MEGF8: variants seen among roughly 807,000 people sequenced by gnomAD.
MEGF8 encodes the protein multiple EGF like domains 8.
In MEGF8, 156 loss-of-function variants were observed where a neutral mutation model predicts 302.9. The ratio of observed to expected loss-of-function variants is 0.52; its 90% CI spans 0.45 to 0.59. MEGF8 has a LOEUF of 0.59. Ranked by LOEUF, MEGF8 falls within the 20% of genes least tolerant of loss-of-function variation. The pLI is 0.00. For synonymous variants in MEGF8, 1,621 were observed against 1,660.5 expected, an observed-to-expected ratio of 0.98 and a Z score of 0.58; for missense variants, 3,345 against 3,964.5, an observed-to-expected ratio of 0.84 and a Z score of 4.20.
Position 42,335,793 on chromosome 19 carries a change from C to T in MEGF8, c.829-138C>T, listed in dbSNP as rs531253921. 33 of 765,324 alleles carry T rather than the reference C, an allele frequency of 4.3e-5. 1 individual carries two copies. The highest frequency in any genetic ancestry group is 3.9e-4 in the Middle Eastern group (1 of 2,586). The allele number at this position is 765,324 out of a possible 1,614,324, so 47.4% of individuals were successfully genotyped here. A position where few individuals can be genotyped will look rare whatever the true frequency, so the allele number is the denominator to read the frequency against. On this transcript the variant is annotated intron_variant, in intron 5 of 41. Coordinates refer to ENST00000251268, the MANE Select transcript of MEGF8 (RefSeq NM_001271938.2). ...TCTGTCTCTTCTTTTCTCTCTCTGC[C>T]GGTCTCTGCCTTTCTCTTTGTCTCT...
At position 42,362,404 on chromosome 19, in the gene MEGF8, G is replaced by A. The variant is rs550418060; in HGVS notation, c.5865G>A (p.Lys1955=). The change falls in exon 34 of 42, where the codon AAG becomes AAA. Residue 1955 remains lysine (K), a synonymous_variant. Transcript: ENST00000251268. The part of the protein sequence containing the change: ...GDGEASTPRC[K]WCTNCPEGAC... The stretch of plus-strand genomic sequence containing the variant: ...ACCAGGCGTCCACCCCCCGCTGTAA[G>A]TGGTGTACCAACTGCCCCGAAGGTG... 1.2e-6 allele frequency: 2 copies of A among 1,613,974 alleles called. No homozygotes were observed. Among genetic ancestry groups the A allele is most frequent in the South Asian group, 1.1e-5 (1 of 91,084 alleles).
In MEGF8 at chr19:42,368,323, C is replaced by A; in HGVS notation, c.6274-132C>A. ...ATGACCCCAGCTAGTGTCCACTTTGCTCTACCTGTGGCCAGGGAGGGGTGA... is the reference window on the plus strand; with the variant it reads ...ATGACCCCAGCTAGTGTCCACTTTGATCTACCTGTGGCCAGGGAGGGGTGA... On this transcript the variant is annotated intron_variant, in intron 35 of 41. Coordinates refer to ENST00000251268, the MANE Select transcript of MEGF8 (RefSeq NM_001271938.2). The surrounding 1 kb of genome is among the most constrained non-coding windows in gnomAD (Gnocchi z 4.9). 1 of 752,528 alleles carries A rather than the reference C, an allele frequency of 1.3e-6. No individual in the cohort carries two copies. The highest frequency in any genetic ancestry group is 2.1e-6 in the Non-Finnish European group (1 of 466,840). The allele number at this position is 752,528 out of a possible 1,614,324, so 46.6% of individuals were successfully genotyped here.
At chr19:42,361,719 C>T (rs1187511407) in intron 32 of MEGF8, among the ~76,000 whole-genome samples, 2 of 151,820 alleles carry the variant, frequency 1.3e-5, no homozygotes, top group Non-Finnish European at 2.9e-5. Context: ...AGGGCAGGGA[C>T]GGGCCTGGGC....
rs1001727490 is a variant in MEGF8, at chr19:42,354,417, G to A, written c.4012-171G>A. 2.6e-5 allele frequency among the ~76,000 whole-genome samples: 4 copies of A among 152,158 alleles called. No homozygotes were observed. Among genetic ancestry groups the A allele is most frequent in the African/African-American group, 9.7e-5 (4 of 41,430 alleles). ...ATGAGCCGTGTCTACTTTGGACACA[G>A]GAAGGGGAGTGGTGGCCTTATGCCA... On this transcript the variant is annotated intron_variant, in intron 22 of 41. Coordinates refer to ENST00000251268, the MANE Select transcript of MEGF8 (RefSeq NM_001271938.2). This position sits in a 1 kb window ranked among gnomAD's most constrained non-coding sequence, Gnocchi z 4.3.
chr19:42,334,413 G>T (rs1366922867), intron 3 of MEGF8, among the ~76,000 whole-genome samples, 200 bp downstream of exon 3: 3 of 151,528 alleles, frequency 2.0e-5, no homozygotes, highest in Admixed American at 2.0e-4. Context: ...CACCTGCAGG[G>T]CCTCCCCTGC....
chr19:42,351,191 A>G lies in MEGF8; in HGVS notation c.2737-25A>G, dbSNP rs1568565195. 6.5e-7 allele frequency: 1 copy of G among 1,542,820 alleles called. No individual in the cohort carries two copies. The highest frequency in any genetic ancestry group is 1.4e-5 in the African/African-American group (1 of 72,792). ...AAGGAAAGGGCTGAGTGGGGTTCTG[A>G]CTCCTCTGCCCAACTGACCCCCAGG... On this transcript the variant is annotated intron_variant, in intron 15 of 41. Coordinates refer to ENST00000251268, the MANE Select transcript of MEGF8 (RefSeq NM_001271938.2). The surrounding 1 kb of genome is among the most constrained non-coding windows in gnomAD (Gnocchi z 5.6).
chr19:42,372,615 T>TA (rs1176352054), intron 41 of MEGF8, among the ~76,000 whole-genome samples: 1 of 152,194 alleles, frequency 6.6e-6, no homozygotes, highest in Non-Finnish European at 1.5e-5. Flanking sequence ...TACTGACCCT[T>TA]AACATTTCTA....
chr19:42,353,261 C>T lies in MEGF8; in HGVS notation c.3550+134C>T. 1 of 1,047,064 alleles carries T rather than the reference C, an allele frequency of 9.6e-7. No homozygotes were observed. The highest frequency in any genetic ancestry group is 1.4e-6 in the Non-Finnish European group (1 of 736,062). 64.9% of individuals were successfully genotyped at this position (1,047,064 alleles called of 1,614,324 possible). A position where few individuals can be genotyped will look rare whatever the true frequency, so the allele number is the denominator to read the frequency against. On this transcript the variant is annotated intron_variant, in intron 20 of 41. Coordinates refer to ENST00000251268, the MANE Select transcript of MEGF8 (RefSeq NM_001271938.2). This position sits in a 1 kb window ranked among gnomAD's most constrained non-coding sequence, Gnocchi z 6.1. Reference sequence around the variant, plus strand: ...CTAGGTCCCCTGCCCCATTCCTGTTCCTGACTCAAACAGGTTTCAGTGCCA... The same window carrying T: ...CTAGGTCCCCTGCCCCATTCCTGTTTCTGACTCAAACAGGTTTCAGTGCCA...
In MEGF8 at chr19:42,370,843, C is replaced by CA. The variant is rs1555784537; in HGVS notation, c.7136+12_7136+13insA. 3 of 130,196 alleles carry CA rather than the reference C, an allele frequency of 2.3e-5. 1 individual carries two copies. The highest frequency in any genetic ancestry group is 4.3e-5 in the Non-Finnish European group (3 of 69,272). 8.1% of individuals were successfully genotyped at this position (130,196 alleles called of 1,614,324 possible). A position where few individuals can be genotyped will look rare whatever the true frequency, so the allele number is the denominator to read the frequency against. On this transcript the variant is annotated intron_variant, in intron 40 of 41. Transcript: ENST00000251268. Reference sequence around the variant, plus strand: ...GGGAAGTGCACCAAGTAAGAGGAACCGGGGGGGGGGGGGGGGGGGGGGGGG... The same window carrying CA: ...GGGAAGTGCACCAAGTAAGAGGAACCAGGGGGGGGGGGGGGGGGGGGGGGGG...
At chr19:42,333,315 A>G (rs964938062) in intron 1 of MEGF8, among the ~76,000 whole-genome samples, 6 of 152,038 alleles carry the variant, frequency 3.9e-5, no homozygotes, top group Admixed American at 3.9e-4. Flanking sequence ...TCTGTACTTA[A>G]TTTTCCCATC....
intron 8 of MEGF8, among the ~76,000 whole-genome samples, chr19:42,340,526 G>C (rs2039197042): frequency 2.6e-5 from 4 of 152,138 alleles, no homozygotes; most frequent in African/African-American, 9.7e-5. Context: ...ACCGTGCCTG[G>C]CCTAATTTTT....
intron 31 of MEGF8, among the ~76,000 whole-genome samples, chr19:42,360,442 C>T (rs916765501): frequency 6.6e-6 from 1 of 151,182 alleles, no homozygotes; most frequent in Non-Finnish European, 1.5e-5. Flanking sequence ...ACCTCCTGGG[C>T]TCAAGTGATC....
chr19:42,359,273 G>A (rs1414082236), intron 31 of MEGF8, 31 bp downstream of exon 31: 3 of 1,517,368 alleles, frequency 2.0e-6, no homozygotes, highest in Non-Finnish European at 2.7e-6. Context: ...CCAGGAGGCT[G>A]AGGGACATCC....
Position 42,360,844 on chromosome 19 carries a change from T to A in MEGF8, c.5558T>A (p.Leu1853Gln). 6.2e-7 allele frequency: 1 copy of A among 1,612,694 alleles called. No homozygotes were observed. Among genetic ancestry groups the A allele is most frequent in the Non-Finnish European group, 8.5e-7 (1 of 1,179,616 alleles). ...GCTGTGGCAGCAGTCGGGAGCCGCC[T>A]GTATATCTCTGGGGGTTTCGGGGGA... is the stretch of plus-strand genomic sequence containing the variant. Reference protein sequence around the residue: ...AHAVAAVGSRLYISGGFGGVA... With the variant: ...AHAVAAVGSRQYISGGFGGVA... The change falls in exon 32 of 42, where the codon CTG (leucine) becomes CAG (glutamine). Residue 1853 changes from leucine to glutamine, a missense_variant. By Grantham distance (113) the Leu-to-Gln change is moderately radical. Coordinates refer to ENST00000251268, the MANE Select transcript of MEGF8 (RefSeq NM_001271938.2).
rs1331182784 is a variant in MEGF8, at chr19:42,356,436, G to A, written c.4605G>A (p.Leu1535=). Residue 1535 remains leucine, a synonymous_variant, in exon 26 of 42, where the codon CTG becomes CTA. Coordinates refer to ENST00000251268, the MANE Select transcript of MEGF8 (RefSeq NM_001271938.2). The surrounding 1 kb of genome is among the most constrained non-coding windows in gnomAD (Gnocchi z 5.2). The part of the protein sequence containing the change: ...MFGGLGLPQG[L]LGNLYRYSVS... ...GGGGCCTGGGCCTGCCCCAGGGGCTGCTGGGAAACCTGTACAGGTGAGGAC... is the reference window on the plus strand; with the variant it reads ...GGGGCCTGGGCCTGCCCCAGGGGCTACTGGGAAACCTGTACAGGTGAGGAC... 6.2e-7 allele frequency: 1 copy of A among 1,605,734 alleles called. No homozygotes were observed. The highest frequency in any genetic ancestry group is 2.2e-5 in the East Asian group (1 of 44,856).
At chr19:42,361,944 C>A in intron 32 of MEGF8, 146 bp from the exon 33 acceptor site, 1 of 1,250,084 alleles carries the variant, frequency 8.0e-7, no homozygotes, top group Non-Finnish European at 1.1e-6. Context: ...CATCTATTAC[C>A]AAATGGTGGT....
At chr19:42,361,107 G>C (rs1347631928) in intron 32 of MEGF8, 101 bp downstream of exon 32, 2 of 1,277,712 alleles carry the variant, frequency 1.6e-6, no homozygotes, top group Non-Finnish European at 2.1e-6. Flanking sequence ...TATACCGTCT[G>C]GTTCAGGAAA....
At chr19:42,374,118 A>C (rs941725389) in intron 41 of MEGF8, among the ~76,000 whole-genome samples, 2 of 152,114 alleles carry the variant, frequency 1.3e-5, no homozygotes, top group African/African-American at 4.8e-5. Flanking sequence ...ATAGATATGA[A>C]AGGCTTTGCA....
At chr19:42,343,274 AAG>A in intron 8 of MEGF8, among the ~76,000 whole-genome samples, 1 of 152,272 alleles carries the variant, frequency 6.6e-6, no homozygotes, top group Non-Finnish European at 1.5e-5. Context: ...TCTGACCCTA[AAG>A]ATCAGAAAGA....
Sources: allele counts gnomAD v4.1 joint callset (sites outside exome capture counted in the v4.1 genomes callset), GRCh38; gene constraint gnomAD v4.1.1; non-coding constraint Gnocchi (gnomAD v3.1); transcripts MANE v1.5; gene names NCBI Gene and HGNC (gene_info 2026-07-23, HGNC 2026-07-21).